ATP1A2: variants seen among roughly 807,000 people sequenced by gnomAD.
ATP1A2 encodes the protein ATPase Na+/K+ transporting subunit alpha 2.
ATP1A2 carries 56 observed loss-of-function variants against 113.1 expected under a neutral mutation model. The ratio of observed to expected loss-of-function variants is 0.49; its 90% confidence interval spans 0.40 to 0.62. The LOEUF (loss-of-function observed/expected upper bound fraction) is 0.62, where lower values mean the gene tolerates loss of function less well. Ranked by LOEUF, ATP1A2 falls within the 20% of genes least tolerant of loss-of-function variation. The probability of loss-of-function intolerance (pLI) is 0.00; values close to 1 mark genes in which losing one functional copy is unlikely to be tolerated. For synonymous variants in ATP1A2, 490 were observed against 526.8 expected (o/e 0.93, Z 0.96); for missense variants, 712 against 1,357.8 (o/e 0.52, Z 7.47).
intron 13 of ATP1A2, among the ~76,000 whole-genome samples, chr1:160,133,420 C>T (rs1007099294): frequency 1.2e-4 from 18 of 152,126 alleles, no homozygotes; most frequent in African/African-American, 4.1e-4. Context: ...CAAGCCCACA[C>T]ATGCAAATGC....
intron 1 of ATP1A2, among the ~76,000 whole-genome samples, chr1:160,119,472 T>C (rs970025412): frequency 6.6e-6 from 1 of 151,862 alleles, no homozygotes; most frequent in Non-Finnish European, 1.5e-5. Flanking sequence ...CTGAGGGAAG[T>C]GGGAGGAGAG....
At chr1:160,124,095 G>A (rs1651505028) in intron 5 of ATP1A2, 39 bp downstream of exon 5, 5 of 1,608,712 alleles carry the variant, frequency 3.1e-6, no homozygotes, top group Middle Eastern at 1.7e-4. Flanking sequence ...AGGCTGTAAG[G>A]TTTTGGCAAG....
At chr1:160,136,206 C>A (rs1400524375) in intron 17 of ATP1A2, 41 bp from the exon 18 acceptor site, 2 of 1,613,730 alleles carry the variant, frequency 1.2e-6, no homozygotes, top group South Asian at 2.2e-5. Context: ...CTCCTACGTC[C>A]CTTCAAATGC....
chr1:160,129,277 T>C lies in ATP1A2; in HGVS notation c.1338T>C (p.Ala446=). 1 of 1,614,186 alleles carries C rather than the reference T, an allele frequency of 6.2e-7. No homozygotes were observed. Among genetic ancestry groups the C allele is most frequent in the Non-Finnish European group, 8.5e-7 (1 of 1,180,038 alleles). Reference sequence around the variant, plus strand: ...GTCTCTTCTGGCAGCGGGACACAGCTGGTGATGCCTCTGAGTCAGCTCTGC... The same window carrying C: ...GTCTCTTCTGGCAGCGGGACACAGCCGGTGATGCCTCTGAGTCAGCTCTGC... ...ENISVSKRDT[A]GDASESALLK... The change falls in exon 11 of 23, where the codon GCT becomes GCC. Residue 446 remains alanine, a synonymous_variant. Transcript: ENST00000361216.
chr1:160,139,756 C>T lies in ATP1A2; in HGVS notation c.2942+15C>T, dbSNP rs202210259. ...TACCCGCTCAAGTGAGTGTCTCTTT[C>T]GGGCGGCCTGAGTAGTCATACGGGG... On this transcript the variant is annotated intron_variant, in intron 21 of 22. Transcript: ENST00000361216. 29 of 1,614,012 alleles carry T rather than the reference C, an allele frequency of 1.8e-5. No homozygotes were observed. The highest frequency in any genetic ancestry group is 1.7e-4 in the African/African-American group (13 of 75,038).
chr1:160,137,350 C>T, intron 20 of ATP1A2: 1 of 426,708 alleles, frequency 2.3e-6, no homozygotes, highest in South Asian at 2.1e-5. Context: ...CTTCTGTGCC[C>T]ACCCCTCCCC....
rs201356663 is a variant in ATP1A2, at chr1:160,123,177, G to T, written c.178-36G>T. Reference sequence around the variant, plus strand: ...CATGGTGACTGGCTGGGTTGGCTCCGGATGCGTGCCCCTACGCCTCTCCTT... The same window carrying T: ...CATGGTGACTGGCTGGGTTGGCTCCTGATGCGTGCCCCTACGCCTCTCCTT... On this transcript the variant is annotated intron_variant, in intron 3 of 22. Transcript: ENST00000361216. 375 of 1,612,006 alleles carry T rather than the reference G, an allele frequency of 2.3e-4. 1 individual carries two copies. In the Middle Eastern group the frequency reaches 2.4e-3, roughly 10 times the overall value.
At chr1:160,131,751 A>C (rs1046578024) in intron 13 of ATP1A2, among the ~76,000 whole-genome samples, 1 of 152,068 alleles carries the variant, frequency 6.6e-6, no homozygotes, top group African/African-American at 2.4e-5. Context: ...GAATCACTTG[A>C]ACCCGGGAGG....
chr1:160,129,361 G>A lies in ATP1A2; in HGVS notation c.1422G>A (p.Lys474=), dbSNP rs144538744. The part of the protein sequence containing the change: ...SVRKMRDRNP[K]VAEIPFNSTN... ...GGAAAATGAGAGACAGAAACCCCAA[G>A]GTGGCAGAGATTCCTTTCAACTCTA... Residue 474 remains lysine, a synonymous_variant, in exon 11 of 23, where the codon AAG becomes AAA. Transcript: ENST00000361216. The A allele has an allele frequency of 3.7e-6, 6 of 1,614,072 alleles. No homozygotes were observed. In the African/African-American group the frequency reaches 6.7e-5, roughly 18 times the overall value.
chr1:160,118,786 T>C (rs901379871), intron 1 of ATP1A2, among the ~76,000 whole-genome samples: 3 of 152,098 alleles, frequency 2.0e-5, no homozygotes, highest in Non-Finnish European at 4.4e-5. Context: ...CCCTTGCTTC[T>C]GATTGTACTG....
At chr1:160,119,751 C>T (rs1479886742) in intron 1 of ATP1A2, among the ~76,000 whole-genome samples, 3 of 150,774 alleles carry the variant, frequency 2.0e-5, no homozygotes. Context: ...GTGGCTCACA[C>T]CTATAATCCC....
rs1235251595 is a variant in ATP1A2, at chr1:160,123,372, T to C, written c.337T>C (p.Tyr113His). ...TGGGGCTATCCTCTGCTTCCTGGCC[T>C]ACGGCATCCAGGCTGCCATGGAGGA... Reference protein sequence around the residue: ...WIGAILCFLAYGIQAAMEDEP... With the variant: ...WIGAILCFLAHGIQAAMEDEP... The change falls in exon 4 of 23, where the codon TAC becomes CAC. Residue 113 changes from tyrosine (Y) to histidine (H), a missense_variant. Tyr to His is a moderately conservative substitution (Grantham distance 83, BLOSUM62 2). This residue lies in a region of ATP1A2 where 109 missense variants were observed against 162.3 expected (regional missense o/e 0.67). Transcript: ENST00000361216. 1.9e-6 allele frequency: 3 copies of C among 1,614,076 alleles called. No homozygotes were observed. The East Asian group carries it at 6.7e-5, about 36-fold the overall frequency.
intron 17 of ATP1A2, 81 bp downstream of exon 17, chr1:160,136,074 G>T (rs1281888092): frequency 6.2e-7 from 1 of 1,607,662 alleles, no homozygotes; most frequent in African/African-American, 1.3e-5. Context: ...CACTGGGGCA[G>T]TGGCCCCAGC....
intron 13 of ATP1A2, among the ~76,000 whole-genome samples, chr1:160,133,297 T>C (rs574869033): frequency 6.6e-6 from 1 of 152,210 alleles, no homozygotes; most frequent in African/African-American, 2.4e-5. Flanking sequence ...CATTTTTCAA[T>C]TGAGAGGCCC....
At chr1:160,140,112 GGGTCCCA>G in intron 22 of ATP1A2, 128 bp downstream of exon 22, 1 of 980,496 alleles carries the variant, frequency 1.0e-6, no homozygotes, top group Non-Finnish European at 1.6e-6. Context: ...TCAGATCCTG[GGGTCCCA>G]GGTCCCAGGA....
Position 160,141,342 on chromosome 1 carries a change from A to G in ATP1A2, c.*20A>G. 1 of 1,613,834 alleles carries G rather than the reference A, an allele frequency of 6.2e-7. No homozygotes were observed. Among genetic ancestry groups the G allele is most frequent in the Non-Finnish European group, 8.5e-7 (1 of 1,179,688 alleles). ...TACTGACCCCATTGGAAGAAGAACC[A>G]GGCATGGAAAGATGGGGAGCTCTGG... On this transcript the variant is annotated 3_prime_UTR_variant, in exon 23 of 23. Coordinates refer to ENST00000361216, the MANE Select transcript of ATP1A2 (RefSeq NM_000702.4).
At chr1:160,119,930 G>A (rs993952649) in intron 1 of ATP1A2, among the ~76,000 whole-genome samples, 7 of 151,896 alleles carry the variant, frequency 4.6e-5, no homozygotes, top group African/African-American at 7.3e-5. Context: ...GCTGAGGTGG[G>A]AGTATTGCTT....
In ATP1A2 at chr1:160,136,218, CTCCCTGCCCCAT is replaced by C; in HGVS notation, c.2440-27_2440-16del. ...CATCTCCTACGTCCCTTCAAATGCC[CTCCCTGCCCCAT>C]TTCCTACCCCACACAGGTCCCTGCC... On this transcript the variant is annotated splice_polypyrimidine_tract_variant and intron_variant, in intron 17 of 22. Coordinates refer to ENST00000361216, the MANE Select transcript of ATP1A2 (RefSeq NM_000702.4). 6.2e-7 allele frequency: 1 copy of C among 1,614,024 alleles called. No homozygotes were observed. The highest frequency in any genetic ancestry group is 8.5e-7 in the Non-Finnish European group (1 of 1,180,012).
chr1:160,125,065 G>C, intron 6 of ATP1A2, 71 bp from the exon 7 acceptor site: 1 of 1,223,656 alleles, frequency 8.2e-7, no homozygotes, highest in South Asian at 1.2e-5. Flanking sequence ...GGTTGGAGGT[G>C]GTTCAGGAGA....
Sources: gnomAD v4.1 joint callset for allele counts (sites outside exome capture counted in the v4.1 genomes callset) on GRCh38, gnomAD v4.1.1 for gene constraint, gnomAD v4.1.1 regional missense constraint, MANE v1.5 for transcripts, NCBI Gene and HGNC (gene_info 2026-07-23, HGNC 2026-07-21) for gene names.